Variants in XRN1 observed in about 807,000 individuals in gnomAD.
The protein encoded by XRN1 is strand-exchange protein 1 homolog.
XRN1 carries 67 observed loss-of-function variants against 222.3 expected under a neutral mutation model. That is an observed-to-expected ratio of 0.30 (90% confidence interval 0.25 to 0.37). The LOEUF (loss-of-function observed/expected upper bound fraction) is 0.37, where lower values mean the gene tolerates loss of function less well. Ranked by LOEUF, XRN1 falls within the 10% of genes least tolerant of loss-of-function variation. The probability of loss-of-function intolerance (pLI) is 1.00; values close to 1 mark genes in which losing one functional copy is unlikely to be tolerated. For missense variants in XRN1, 1,707 were observed against 2,000.2 expected (o/e 0.85, Z 2.80); for synonymous variants, 643 against 652.4 (o/e 0.99, Z 0.22).
intron 33 of XRN1, among the ~76,000 whole-genome samples, chr3:142,343,152 T>C (rs894078256): frequency 5.3e-5 from 8 of 151,988 alleles, no homozygotes; most frequent in African/African-American, 9.7e-5. Context: ...GAGGCATAAA[T>C]GGCAAACAGG....
intron 33 of XRN1, among the ~76,000 whole-genome samples, chr3:142,344,941 A>G (rs538255264): frequency 1.1e-4 from 17 of 152,180 alleles, no homozygotes; most frequent in Non-Finnish European, 2.4e-4. Flanking sequence ...AGAATAGAGA[A>G]AACAATCCTG....
intron 22 of XRN1, among the ~76,000 whole-genome samples, chr3:142,382,424 C>T (rs966124931): frequency 1.3e-5 from 2 of 152,090 alleles, no homozygotes; most frequent in South Asian, 2.1e-4. Context: ...TCCTGTTTTC[C>T]CCCCAGTGGT....
At chr3:142,421,763 G>A (rs953112107) in intron 8 of XRN1, among the ~76,000 whole-genome samples, 1 of 152,042 alleles carries the variant, frequency 6.6e-6, no homozygotes, top group African/African-American at 2.4e-5. Flanking sequence ...GAAATTCCAG[G>A]TTCCACATAA....
intron 2 of XRN1, among the ~76,000 whole-genome samples, chr3:142,428,130 C>T (rs1251175677): frequency 6.6e-6 from 1 of 152,148 alleles, no homozygotes; most frequent in Non-Finnish European, 1.5e-5. Flanking sequence ...CGGTGGCTCA[C>T]ACCTGTAATC....
At chr3:142,386,544 A>C (rs1162289890) in intron 20 of XRN1, among the ~76,000 whole-genome samples, 1 of 152,144 alleles carries the variant, frequency 6.6e-6, no homozygotes, top group African/African-American at 2.4e-5. Context: ...AATTAAAAAC[A>C]AGCTACAGTG....
At chr3:142,383,502 T>C (rs780412776) in intron 21 of XRN1, 89 bp from the exon 22 acceptor site, 79 of 1,089,698 alleles carry the variant, frequency 7.2e-5, no homozygotes, top group Non-Finnish European at 9.5e-5. Flanking sequence ...ACTATGCTGT[T>C]TGCAAATGTC....
In XRN1 at chr3:142,311,205, T is replaced by G. The variant is rs1430818752; in HGVS notation, c.*306A>C. On this transcript the variant is annotated 3_prime_UTR_variant, in exon 41 of 41. Transcript: ENST00000392981. ...ATCATGAGGCCAATGATTAGAGTGG[T>G]ACATTTTAATGTTTAGTCCACTGAT... 1 of 195,880 alleles carries G rather than the reference T, an allele frequency of 5.1e-6. No homozygotes were observed. Among genetic ancestry groups the G allele is most frequent in the Non-Finnish European group, 1.1e-5 (1 of 95,230 alleles). The allele number at this position is 195,880 out of a possible 1,614,324, so 12.1% of individuals were successfully genotyped here. A position where few individuals can be genotyped will look rare whatever the true frequency, so the allele number is the denominator to read the frequency against.
At chr3:142,341,579 A>G (rs1344507044) in intron 33 of XRN1, among the ~76,000 whole-genome samples, 1 of 152,190 alleles carries the variant, frequency 6.6e-6, no homozygotes, top group Non-Finnish European at 1.5e-5. Context: ...TCACTTGTCA[A>G]TAATAACACT....
intron 15 of XRN1, among the ~76,000 whole-genome samples, chr3:142,406,498 G>A (rs1369788680): frequency 1.3e-5 from 2 of 152,098 alleles, no homozygotes; most frequent in Non-Finnish European, 2.9e-5. Flanking sequence ...GTCATATTTG[G>A]GAGAAAGTAG....
intron 29 of XRN1, among the ~76,000 whole-genome samples, chr3:142,360,713 T>TA (rs546169839): frequency 0.038 from 5,586 of 145,198 alleles, 352 homozygotes; most frequent in African/African-American, 0.13. Context: ...AAATAAAAAA[T>TA]AAAAAAAAAA....
chr3:142,448,002 G>T lies in XRN1; in HGVS notation c.-58C>A. The T allele has an allele frequency of 1.3e-6, 2 of 1,577,288 alleles. No homozygotes were observed. The highest frequency in any genetic ancestry group is 3.4e-5 in the Admixed American group (2 of 59,212). ...AAACCGAAACCAAACGCCCCGCCGG[G>T]GCTCCGCCGCAGCCTCCGGTCGTCG... is the stretch of plus-strand genomic sequence containing the variant. On this transcript the variant is annotated 5_prime_UTR_variant, in exon 1 of 41. Coordinates refer to ENST00000392981, the MANE Select transcript of XRN1 (RefSeq NM_001282857.2).
At chr3:142,335,380 C>T (rs1319129041) in intron 34 of XRN1, 68 bp downstream of exon 34, 7 of 1,429,126 alleles carry the variant, frequency 4.9e-6, no homozygotes, top group Middle Eastern at 3.5e-4. Context: ...AAATTCAGTC[C>T]AATGCTACAG....
chr3:142,345,068 T>G (rs2066105439), intron 33 of XRN1, among the ~76,000 whole-genome samples: 3 of 152,172 alleles, frequency 2.0e-5, no homozygotes, highest in African/African-American at 7.2e-5. Flanking sequence ...GGAATGGAAT[T>G]GAGAGTCCAG....
intron 32 of XRN1, among the ~76,000 whole-genome samples, chr3:142,351,121 TTATCTATCTATG>T (rs1402878037): frequency 1.6e-4 from 25 of 152,200 alleles, no homozygotes; most frequent in African/African-American, 3.9e-4. Context: ...CTGTCTATAA[TTATCTATCTATG>T]TATCTATCTA....
At chr3:142,356,426 A>G (rs1424991712) in intron 31 of XRN1, among the ~76,000 whole-genome samples, 1 of 152,164 alleles carries the variant, frequency 6.6e-6, no homozygotes, top group Non-Finnish European at 1.5e-5. Context: ...TCATGGAATT[A>G]AATAAAGTGT....
chr3:142,440,501 C>T (rs1248007606), intron 1 of XRN1, among the ~76,000 whole-genome samples: 1 of 151,888 alleles, frequency 6.6e-6, no homozygotes, highest in African/African-American at 2.4e-5. Flanking sequence ...TAAAGGATTC[C>T]ACCTCCTTTC....
chr3:142,322,585 C>G (rs1008953855), intron 37 of XRN1, among the ~76,000 whole-genome samples: 1 of 152,104 alleles, frequency 6.6e-6, no homozygotes, highest in African/African-American at 2.4e-5. Flanking sequence ...ACTCAGGAGG[C>G]AGGAGAATCG....
intron 19 of XRN1, 76 bp downstream of exon 19, chr3:142,400,368 A>C: frequency 1.6e-6 from 2 of 1,256,394 alleles, no homozygotes; most frequent in Non-Finnish European, 2.2e-6. Flanking sequence ...GTCAGTTAAA[A>C]AAATGAATCA....
intron 37 of XRN1, among the ~76,000 whole-genome samples, chr3:142,319,529 T>G (rs568294184): frequency 2.0e-5 from 3 of 152,188 alleles, no homozygotes; most frequent in Non-Finnish European, 2.9e-5. Flanking sequence ...ACCTTAATTT[T>G]TTTTAAAAAA....
Sources: gnomAD v4.1 joint callset for allele counts (sites outside exome capture counted in the v4.1 genomes callset) on GRCh38, gnomAD v4.1.1 for gene constraint, MANE v1.5 for transcripts, NCBI Gene and HGNC (gene_info 2026-07-23, HGNC 2026-07-21) for gene names.